The following ANO3 variants were observed in gnomAD, a reference collection of about 807,000 sequenced individuals.
The protein encoded by ANO3 is anoctamin 3.
ANO3 carries 99 observed loss-of-function variants against 144.8 expected under a neutral mutation model. That is an observed-to-expected ratio of 0.68 (90% CI 0.58 to 0.81). The LOEUF is 0.81. Ranked by LOEUF, ANO3 falls within the 30% of genes least tolerant of loss-of-function variation. The pLI is 0.00. For missense variants in ANO3, 905 were observed against 1,202.2 expected (o/e 0.75, Z 3.66); for synonymous variants, 414 against 392.6 (o/e 1.05, Z -0.64).
intron 1 of ANO3, among the ~76,000 whole-genome samples, chr11:26,325,047 A>T (rs901023854): frequency 6.6e-6 from 1 of 152,154 alleles, no homozygotes; most frequent in East Asian, 1.9e-4. Context: ...TAACATGCAA[A>T]CTTTCCTGAA....
At chr11:26,222,113 A>C (rs1852157951) in intron 1 of ANO3, among the ~76,000 whole-genome samples, 1 of 152,230 alleles carries the variant, frequency 6.6e-6, no homozygotes, top group African/African-American at 2.4e-5. Context: ...ATTTCCACTT[A>C]TGAGCCTGTA....
intron 17 of ANO3, among the ~76,000 whole-genome samples, chr11:26,600,117 C>T (rs1337386244): frequency 2.6e-5 from 4 of 151,944 alleles, no homozygotes; most frequent in African/African-American, 9.7e-5. Flanking sequence ...TTTTTGAAAG[C>T]GAAGTATTGT....
At chr11:26,411,170 CT>C in intron 1 of ANO3, among the ~76,000 whole-genome samples, 1 of 152,008 alleles carries the variant, frequency 6.6e-6, no homozygotes, top group Non-Finnish European at 1.5e-5. Flanking sequence ...CATTTGCTTA[CT>C]CTGCAAAATT....
chr11:26,224,898 G>T (rs916543298), intron 1 of ANO3, among the ~76,000 whole-genome samples: 7 of 152,156 alleles, frequency 4.6e-5, no homozygotes, highest in African/African-American at 1.2e-4. Context: ...GCCATGTGGG[G>T]ATCTGTAATC....
At chr11:26,644,980 T>A (rs77310461) in intron 23 of ANO3, among the ~76,000 whole-genome samples, 11,043 of 152,202 alleles carry the variant, frequency 0.073, 600 homozygotes, top group South Asian at 0.15. Flanking sequence ...TATAATCCAA[T>A]TGACATATAT....
chr11:26,660,693 C>G lies in ANO3; in HGVS notation c.*249C>G. ...GAAGCCAGGATGTAATTCTCAGAAC[C>G]AGTCTCAGGGAGATATATGCTTGGA... On this transcript the variant is annotated 3_prime_UTR_variant, in exon 27 of 27. Transcript: ENST00000256737. 2 of 421,960 alleles carry G rather than the reference C, an allele frequency of 4.7e-6. No individual in the cohort carries two copies. Among genetic ancestry groups the G allele is most frequent in the Admixed American group, 4.5e-5 (1 of 22,254 alleles). 26.1% of individuals were successfully genotyped at this position (421,960 alleles called of 1,614,324 possible). A position where few individuals can be genotyped will look rare whatever the true frequency, so the allele number is the denominator to read the frequency against.
chr11:26,621,260 G>A (rs143055056), intron 17 of ANO3, among the ~76,000 whole-genome samples: 36 of 152,194 alleles, frequency 2.4e-4, no homozygotes, highest in Non-Finnish European at 4.4e-4. Context: ...GCTTACCATG[G>A]CCTACTGTGC....
intron 1 of ANO3, among the ~76,000 whole-genome samples, chr11:26,319,716 G>A (rs1410985982): frequency 2.0e-5 from 3 of 152,092 alleles, no homozygotes. Context: ...AGCTTTTAAA[G>A]ATACCTTGTT....
chr11:26,259,294 T>G (rs947356736), intron 1 of ANO3, among the ~76,000 whole-genome samples: 1 of 152,150 alleles, frequency 6.6e-6, no homozygotes, highest in Admixed American at 6.5e-5. Flanking sequence ...TGTATATATC[T>G]CTCTCGTTTG....
chr11:26,350,560 C>T (rs1227974728), intron 1 of ANO3, among the ~76,000 whole-genome samples: 1 of 151,942 alleles, frequency 6.6e-6, no homozygotes, highest in African/African-American at 2.4e-5. Context: ...AATCTATTTC[C>T]AGTTTACTTA....
At chr11:26,587,788 C>G (rs1488374888) in intron 14 of ANO3, among the ~76,000 whole-genome samples, 1 of 151,928 alleles carries the variant, frequency 6.6e-6, no homozygotes, top group African/African-American at 2.4e-5. Flanking sequence ...GAAACCCTGT[C>G]TCAACTAAAA....
chr11:26,313,530 C>CA (rs1414356124), intron 1 of ANO3, among the ~76,000 whole-genome samples: 3 of 151,570 alleles, frequency 2.0e-5, no homozygotes, highest in Admixed American at 1.3e-4. Context: ...ACTAAAAATA[C>CA]AAAAAAATTA....
At chr11:26,578,334 C>T (rs556846134) in intron 14 of ANO3, among the ~76,000 whole-genome samples, 38 of 152,124 alleles carry the variant, frequency 2.5e-4, no homozygotes, top group South Asian at 2.3e-3. Flanking sequence ...CCTAAAGCAG[C>T]AATGAGGAGC....
At chr11:26,251,977 A>G in intron 1 of ANO3, among the ~76,000 whole-genome samples, 1 of 152,208 alleles carries the variant, frequency 6.6e-6, no homozygotes. Context: ...GTGAGGTTAT[A>G]TCATGTATAT....
chr11:26,555,609 G>C (rs1403036881), intron 13 of ANO3, among the ~76,000 whole-genome samples: 4 of 152,146 alleles, frequency 2.6e-5, no homozygotes, highest in Non-Finnish European at 5.9e-5. Context: ...TTGCAAAGGA[G>C]AATATTGCCT....
chr11:26,258,279 T>C (rs1468930971), intron 1 of ANO3, among the ~76,000 whole-genome samples: 1 of 152,168 alleles, frequency 6.6e-6, no homozygotes, highest in Non-Finnish European at 1.5e-5. Flanking sequence ...AAAAGACACC[T>C]CAATTAACAG....
At chr11:26,350,682 AT>A (rs562485939) in intron 1 of ANO3, among the ~76,000 whole-genome samples, 152 of 151,826 alleles carry the variant, frequency 1.0e-3, no homozygotes, top group African/African-American at 3.6e-3. Flanking sequence ...CAACGTTGTG[AT>A]TTTTTTTCAG....
At chr11:26,549,182 T>A (rs1336985775) in intron 12 of ANO3, among the ~76,000 whole-genome samples, 3 of 152,006 alleles carry the variant, frequency 2.0e-5, no homozygotes, top group Non-Finnish European at 4.4e-5. Context: ...GCTCTTTTTG[T>A]ATGAGATAAT....
chr11:26,567,199 GCTAAAATTTGC>G, intron 14 of ANO3: 11 of 1,084,984 alleles, frequency 1.0e-5, no homozygotes, highest in Non-Finnish European at 1.2e-5. Context: ...CTCATTAGAG[GCTAAAATTTGC>G]AGTGCTTTTA....
Sources: allele counts gnomAD v4.1 joint callset (sites outside exome capture counted in the v4.1 genomes callset), GRCh38; gene constraint gnomAD v4.1.1; transcripts MANE v1.5; gene names NCBI Gene and HGNC (gene_info 2026-07-23, HGNC 2026-07-21).